Variants in GRID2 observed in about 807,000 individuals in gnomAD.
GRID2 encodes the protein glutamate ionotropic receptor delta type subunit 2.
Under a neutral mutation model 114.8 loss-of-function variants are expected in GRID2, and 33 were observed. That is an observed-to-expected ratio of 0.29 (90% confidence interval 0.22 to 0.38). The LOEUF is 0.38. Ranked by LOEUF, GRID2 falls within the 10% of genes least tolerant of loss-of-function variation. The pLI is 1.00. For missense variants in GRID2, 1,184 were observed against 1,257.7 expected (o/e 0.94, Z 0.89); for synonymous variants, 505 against 449.9 (o/e 1.12, Z -1.55).
At chr4:93,224,359 T>G (rs1189932956) in intron 6 of GRID2, among the ~76,000 whole-genome samples, 2 of 152,142 alleles carry the variant, frequency 1.3e-5, no homozygotes, top group African/African-American at 4.8e-5. Context: ...CTGTCGAAAT[T>G]TCTTTCTTTC....
At chr4:92,411,942 T>A (rs1731356155) in intron 1 of GRID2, among the ~76,000 whole-genome samples, 1 of 152,008 alleles carries the variant, frequency 6.6e-6, no homozygotes. Flanking sequence ...CTTGACCTTG[T>A]GATCCGCCCG....
rs1726255907 is a variant in GRID2 at position 93,047,433 on chromosome 4, T to C, written c.245-37562T>C. On this transcript the variant is annotated intron_variant, in intron 2 of 15. Transcript: ENST00000282020. Reference sequence around the variant, plus strand: ...ACTGACTATAGGATATATGGGATTTTTCTACTGTCCTCTTGATTTTTCTAT... The same window carrying C: ...ACTGACTATAGGATATATGGGATTTCTCTACTGTCCTCTTGATTTTTCTAT... Among the ~76,000 whole-genome samples the C allele has an allele frequency of 2.0e-5, 3 of 152,112 alleles. No homozygotes were observed. The South Asian group carries it at 6.2e-4, about 31-fold the overall frequency.
rs563746241 is a variant in GRID2 at position 93,065,943 on chromosome 4, T to G, written c.245-19052T>G. On this transcript the variant is annotated intron_variant, in intron 2 of 15. Coordinates refer to ENST00000282020, the MANE Select transcript of GRID2 (RefSeq NM_001510.4). ...TGAGTGTTCACTATGTATCAGTCAC[T>G]GCTCTAAGATATACTAACTCATTCA... is the stretch of plus-strand genomic sequence containing the variant. Among the ~76,000 whole-genome samples the G allele has an allele frequency of 2.0e-5, 3 of 152,044 alleles. No homozygotes were observed. In the South Asian group the frequency reaches 6.2e-4, roughly 31 times the overall value.
chr4:93,681,126 T>G (rs571309682), intron 14 of GRID2, among the ~76,000 whole-genome samples: 2 of 151,516 alleles, frequency 1.3e-5, no homozygotes, highest in East Asian at 3.9e-4. Flanking sequence ...AGCATTCTTA[T>G]ACACCAATAA....
intron 1 of GRID2, among the ~76,000 whole-genome samples, chr4:92,464,311 G>A (rs916908226): frequency 3.3e-5 from 5 of 151,888 alleles, no homozygotes; most frequent in South Asian, 2.1e-4. Context: ...TTTTACTACC[G>A]TTCTTTTCCT....
chr4:93,048,157 G>A (rs1726342489), intron 2 of GRID2, among the ~76,000 whole-genome samples: 1 of 151,942 alleles, frequency 6.6e-6, no homozygotes. Flanking sequence ...AGTAAGTCAC[G>A]TGTGCCCCAC....
intron 2 of GRID2, chr4:92,822,149 C>T: frequency 2.8e-6 from 1 of 357,058 alleles, no homozygotes; most frequent in Non-Finnish European, 5.4e-6. Flanking sequence ...CTTCTAAGTC[C>T]CAGATCTTGA....
intron 2 of GRID2, among the ~76,000 whole-genome samples, chr4:93,013,896 G>A (rs1722427472): frequency 6.6e-6 from 1 of 151,748 alleles, no homozygotes; most frequent in South Asian, 2.1e-4. Context: ...GTAGGATTAG[G>A]GAAAGAAGTG....
chr4:93,194,248 C>A (rs752558530), intron 4 of GRID2, among the ~76,000 whole-genome samples: 2 of 152,048 alleles, frequency 1.3e-5, no homozygotes, highest in Non-Finnish European at 2.9e-5. Flanking sequence ...TGTTTACAAA[C>A]CCTGAAAACT....
chr4:92,483,340 A>G (rs1264638332), intron 1 of GRID2, among the ~76,000 whole-genome samples: 1 of 152,106 alleles, frequency 6.6e-6, no homozygotes, highest in Non-Finnish European at 1.5e-5. Flanking sequence ...TCTGTCTCAC[A>G]ATAATAATAA....
intron 3 of GRID2, among the ~76,000 whole-genome samples, chr4:93,088,074 A>T (rs562918321): frequency 6.6e-6 from 1 of 152,186 alleles, no homozygotes; most frequent in Non-Finnish European, 1.5e-5. Context: ...AGAAAAAAAT[A>T]TATACTTTTT....
intron 13 of GRID2, among the ~76,000 whole-genome samples, chr4:93,613,919 C>A (rs1014896554): frequency 6.6e-6 from 1 of 151,536 alleles, no homozygotes; most frequent in Non-Finnish European, 1.5e-5. Context: ...GCCTAGTTGC[C>A]GCCTTGCAGT....
chr4:92,935,399 G>A (rs1750587049), intron 2 of GRID2, among the ~76,000 whole-genome samples: 1 of 146,744 alleles, frequency 6.8e-6, no homozygotes, highest in South Asian at 2.3e-4. Context: ...GTGCTGGAGA[G>A]GATGTGGAGA....
At chr4:93,589,458 G>C (rs554194571) in intron 13 of GRID2, among the ~76,000 whole-genome samples, 1 of 151,894 alleles carries the variant, frequency 6.6e-6, no homozygotes, top group Non-Finnish European at 1.5e-5. Flanking sequence ...ATCATTGTTG[G>C]ACATTTGGGT....
intron 2 of GRID2, among the ~76,000 whole-genome samples, chr4:93,007,107 C>T (rs1721617107): frequency 6.6e-6 from 1 of 151,944 alleles, no homozygotes; most frequent in African/African-American, 2.4e-5. Context: ...AGCAGCAAAG[C>T]ATCAGCCATT....
chr4:93,669,416 C>T (rs1023029018), intron 14 of GRID2, among the ~76,000 whole-genome samples: 9 of 151,818 alleles, frequency 5.9e-5, no homozygotes, highest in African/African-American at 2.2e-4. Context: ...ATATATTGGC[C>T]ATTTTATTAT....
chr4:93,247,540 G>GCC (rs1748345527), intron 8 of GRID2, among the ~76,000 whole-genome samples: 5 of 152,110 alleles, frequency 3.3e-5, no homozygotes, highest in Admixed American at 2.0e-4. Flanking sequence ...TGCACCATCA[G>GCC]CCCCCCAGTT....
At chr4:92,321,815 C>T (rs1726328922) in intron 1 of GRID2, among the ~76,000 whole-genome samples, 1 of 152,048 alleles carries the variant, frequency 6.6e-6, no homozygotes, top group South Asian at 2.1e-4. Flanking sequence ...AAAATATAAG[C>T]GTTGTATTTG....
intron 1 of GRID2, among the ~76,000 whole-genome samples, chr4:92,363,162 A>G (rs1273389342): frequency 6.6e-6 from 1 of 152,096 alleles, no homozygotes. Flanking sequence ...GTAGCTGACT[A>G]GTGAAGTAGA....
Sources: allele counts gnomAD v4.1 joint callset (sites outside exome capture counted in the v4.1 genomes callset), GRCh38; gene constraint gnomAD v4.1.1; transcripts MANE v1.5; gene names NCBI Gene and HGNC (gene_info 2026-07-23, HGNC 2026-07-21).